The following EDARADD variants were observed in gnomAD, a reference collection of about 807,000 sequenced individuals.
The protein encoded by EDARADD is ectodysplasin-A receptor-associated adapter protein.
EDARADD carries 20 observed loss-of-function variants against 25.6 expected under a neutral mutation model. The ratio of observed to expected loss-of-function variants is 0.78; its 90% CI spans 0.55 to 1.14. The LOEUF (loss-of-function observed/expected upper bound fraction) is 1.14. Among genes scored for constraint, EDARADD ranks in the 50% most tolerant of loss-of-function variants. The pLI is 0.00. For synonymous variants in EDARADD, 86 were observed against 94.4 expected (o/e 0.91, Z 0.52); for missense variants, 225 against 270.1 (o/e 0.83, Z 1.17).
At chr1:236,358,567 TG>T (rs1249887191) in intron 3 of EDARADD, among the ~76,000 whole-genome samples, 2 of 152,340 alleles carry the variant, frequency 1.3e-5, no homozygotes, top group African/African-American at 4.8e-5. Context: ...TCTGGTACAT[TG>T]TCTCTTTGTT....
intron 4 of EDARADD, among the ~76,000 whole-genome samples, chr1:236,453,027 T>G (rs1407433300): frequency 6.6e-6 from 1 of 152,230 alleles, no homozygotes; most frequent in African/African-American, 2.4e-5. Context: ...TAAGGTTGTA[T>G]CTTTCCTACA....
At position 236,483,601 on chromosome 1, in the gene EDARADD, C is replaced by CA; in HGVS notation, c.*953dup. 6.6e-7 allele frequency: 1 copy of CA among 1,505,122 alleles called. No individual in the cohort carries two copies. The highest frequency in any genetic ancestry group is 9.2e-7 in the Non-Finnish European group (1 of 1,082,906). 93.2% of individuals were successfully genotyped at this position (1,505,122 alleles called of 1,614,324 possible). A position where few individuals can be genotyped will look rare whatever the true frequency, so the allele number is the denominator to read the frequency against. ...TCTGGCAACTCCAAAGTCATCTTGC[C>CA]AGTCCCGGTGTTCAATGTCATCAAT... is the stretch of plus-strand genomic sequence containing the variant. On this transcript the variant is annotated 3_prime_UTR_variant, in exon 6 of 6. Coordinates refer to ENST00000334232, the MANE Select transcript of EDARADD (RefSeq NM_145861.4).
intron 3 of EDARADD, among the ~76,000 whole-genome samples, chr1:236,365,136 T>C (rs1483723698): frequency 2.1e-5 from 3 of 145,720 alleles, no homozygotes; most frequent in Non-Finnish European, 4.5e-5. Flanking sequence ...GGTGATCACA[T>C]AGGTTTTCTT....
intron 3 of EDARADD, among the ~76,000 whole-genome samples, chr1:236,364,592 C>A (rs1040016164): frequency 2.0e-5 from 3 of 152,136 alleles, no homozygotes; most frequent in South Asian, 4.1e-4. Context: ...TTTTAGTTAC[C>A]AGCATACAGG....
intron 3 of EDARADD, among the ~76,000 whole-genome samples, chr1:236,363,155 A>G (rs66516935): frequency 0.23 from 34,285 of 148,186 alleles, 4,100 homozygotes; most frequent in East Asian, 0.37. Context: ...GGCATGAACC[A>G]CTACACCTGG....
intron 3 of EDARADD, among the ~76,000 whole-genome samples, chr1:236,370,993 C>T (rs992783756): frequency 6.6e-6 from 1 of 152,194 alleles, no homozygotes; most frequent in Non-Finnish European, 1.5e-5. Flanking sequence ...AGTCGGTTAA[C>T]TTAGACGTCT....
At position 236,395,321 on chromosome 1, in the gene EDARADD, C is replaced by T. The variant is rs1667493584; in HGVS notation, c.61+816C>T. On this transcript the variant is annotated intron_variant, in intron 1 of 5. Coordinates refer to ENST00000334232, the MANE Select transcript of EDARADD (RefSeq NM_145861.4). The surrounding 1 kb of genome is among the most constrained non-coding windows in gnomAD (Gnocchi z 6.9). ...GGGACGCCCGGGACACTCGGGGCCCCGCCTTGCGTCCCAGCCCCGGGTCGC... is the reference window on the plus strand; with the variant it reads ...GGGACGCCCGGGACACTCGGGGCCCTGCCTTGCGTCCCAGCCCCGGGTCGC... 7.8e-7 allele frequency: 1 copy of T among 1,281,212 alleles called. No individual in the cohort carries two copies. The highest frequency in any genetic ancestry group is 1.7e-5 in the South Asian group (1 of 59,358). 79.4% of individuals were successfully genotyped at this position (1,281,212 alleles called of 1,614,324 possible). A position where few individuals can be genotyped will look rare whatever the true frequency, so the allele number is the denominator to read the frequency against.
chr1:236,355,500 CTTTTT>C (rs563976436), intron 3 of EDARADD, among the ~76,000 whole-genome samples: 3 of 73,142 alleles, frequency 4.1e-5, no homozygotes, highest in Admixed American at 2.5e-4. Flanking sequence ...GCTTCTTCTT[CTTTTT>C]TTTTTTTTTT....
intron 3 of EDARADD, among the ~76,000 whole-genome samples, chr1:236,379,495 A>G (rs1667268497): frequency 6.6e-6 from 1 of 151,592 alleles, no homozygotes; most frequent in African/African-American, 2.4e-5. Context: ...ATTCAGGGTC[A>G]GGGCCAGGTG....
rs1224027700 is a variant in EDARADD, at chr1:236,394,549, T to G, written c.61+44T>G. ...TCTTCCTGGATTTCTCAGAGCTGAG[T>G]TTTTAGCCAGAGGTTGCTTATTTAC... On this transcript the variant is annotated intron_variant, in intron 1 of 5. Transcript: ENST00000334232. 3 of 1,582,640 alleles carry G rather than the reference T, an allele frequency of 1.9e-6. No homozygotes were observed. In the East Asian group the frequency reaches 6.7e-5, roughly 35 times the overall value.
At chr1:236,443,273 C>G (rs1658450801) in intron 4 of EDARADD, among the ~76,000 whole-genome samples, 1 of 152,126 alleles carries the variant, frequency 6.6e-6, no homozygotes, top group African/African-American at 2.4e-5. Context: ...ATACAGCACC[C>G]CATGGACCAA....
intron 3 of EDARADD, among the ~76,000 whole-genome samples, chr1:236,359,988 T>C (rs1667027147): frequency 6.6e-6 from 1 of 152,068 alleles, no homozygotes; most frequent in Non-Finnish European, 1.5e-5. Context: ...TAAATAGATA[T>C]CTATTTCTCT....
intron 3 of EDARADD, among the ~76,000 whole-genome samples, chr1:236,415,097 C>T (rs760738657): frequency 6.6e-6 from 1 of 152,142 alleles, no homozygotes; most frequent in Non-Finnish European, 1.5e-5. Context: ...AGCCTTTCCA[C>T]CAGCACGGAT....
intron 4 of EDARADD, among the ~76,000 whole-genome samples, chr1:236,449,370 T>G (rs187961851): frequency 1.6e-3 from 244 of 152,290 alleles, no homozygotes; most frequent in Non-Finnish European, 2.8e-3. Flanking sequence ...CACAATAATT[T>G]GGTGATGATT....
chr1:236,458,641 CTT>C (rs5781887), intron 4 of EDARADD, among the ~76,000 whole-genome samples: 281 of 113,524 alleles, frequency 2.5e-3, no homozygotes, highest in Non-Finnish European at 3.5e-3. Flanking sequence ...TTTTCTTTTT[CTT>C]TTTTTTTTTT....
intron 4 of EDARADD, among the ~76,000 whole-genome samples, chr1:236,447,203 T>TC (rs1491534464): frequency 1.2e-5 from 1 of 80,130 alleles, no homozygotes; most frequent in African/African-American, 5.5e-5. Context: ...TTTCTTTCTT[T>TC]CTTTCTTTCT....
chr1:236,351,247 A>G (rs1572104749), intron 3 of EDARADD, among the ~76,000 whole-genome samples: 1 of 152,134 alleles, frequency 6.6e-6, no homozygotes, highest in Non-Finnish European at 1.5e-5. Flanking sequence ...GCTTGGCCCA[A>G]ATAAACTATT....
chr1:236,409,357 G>C (rs752427512), intron 2 of EDARADD, 83 bp downstream of exon 2: 9 of 1,090,772 alleles, frequency 8.3e-6, no homozygotes, highest in Non-Finnish European at 1.3e-5. Flanking sequence ...TTATTACTCA[G>C]TATTTACATG....
chr1:236,355,540 G>A (rs1487058274), intron 3 of EDARADD, among the ~76,000 whole-genome samples: 1 of 101,512 alleles, frequency 9.9e-6, no homozygotes, highest in Non-Finnish European at 1.8e-5. Flanking sequence ...ACAGAGTTTC[G>A]CTCTTGTCAC....
Sources: allele counts gnomAD v4.1 joint callset (sites outside exome capture counted in the v4.1 genomes callset), GRCh38; gene constraint gnomAD v4.1.1; non-coding constraint Gnocchi (gnomAD v3.1); transcripts MANE v1.5; gene names NCBI Gene and HGNC (gene_info 2026-07-23, HGNC 2026-07-21).